Variants in MPRIP observed in about 807,000 individuals in gnomAD.
MPRIP encodes myosin phosphatase Rho-interacting protein.
A neutral mutation model predicts 234.9 loss-of-function variants in MPRIP; 59 were observed. That is an observed-to-expected ratio of 0.25 (90% CI 0.20 to 0.31). The LOEUF (loss-of-function observed/expected upper bound fraction) is 0.31, where lower values mean the gene tolerates loss of function less well. MPRIP is among the 10% of genes least tolerant of loss of function. The probability of loss-of-function intolerance (pLI) is 1.00; values close to 1 mark genes in which losing one functional copy is unlikely to be tolerated. For synonymous variants in MPRIP, 1,144 were observed against 1,263.9 expected, an observed-to-expected ratio of 0.91 and a Z score of 2.01; for missense variants, 2,436 against 3,071.0, an observed-to-expected ratio of 0.79 and a Z score of 4.89.
At chr17:17,180,828 A>G (rs1001799602) in intron 23 of MPRIP, among the ~76,000 whole-genome samples, 9 of 152,220 alleles carry the variant, frequency 5.9e-5, no homozygotes, top group African/African-American at 2.2e-4. Context: ...TTGGCACTCT[A>G]ACCTCTTAAC....
chr17:17,066,624 C>G (rs773353039), intron 1 of MPRIP, among the ~76,000 whole-genome samples: 2 of 151,058 alleles, frequency 1.3e-5, no homozygotes, highest in Non-Finnish European at 2.9e-5. Flanking sequence ...CCTCAAACCA[C>G]GGATAGTACT....
At chr17:17,071,275 G>C (rs775415059) in intron 1 of MPRIP, among the ~76,000 whole-genome samples, 2 of 152,170 alleles carry the variant, frequency 1.3e-5, no homozygotes, top group Non-Finnish European at 2.9e-5. Flanking sequence ...TTGTTGGGCT[G>C]CTCCTTTCTG....
chr17:17,167,423 G>A lies in MPRIP; in HGVS notation c.5832G>A (p.Leu1944=). The change falls in exon 16 of 24, where the codon CTG becomes CTA. Residue 1944 remains leucine (L), a synonymous_variant. Transcript: ENST00000651222. This position sits in a 1 kb window ranked among gnomAD's most constrained non-coding sequence, Gnocchi z 5.9. ...ESKHSMSMFT[L]RGRYEEEIRC... is the part of the protein sequence containing the mutation. ...AGCACAGCATGAGCATGTTCACCCT[G>A]CGGGGCAGGTATGAGGAGGAGATTC... is the stretch of plus-strand genomic sequence containing the variant. The A allele has an allele frequency of 7.7e-7, 1 of 1,304,258 alleles. No individual in the cohort carries two copies. Among genetic ancestry groups the A allele is most frequent in the Non-Finnish European group, 1.0e-6 (1 of 988,964 alleles). The allele number at this position is 1,304,258 out of a possible 1,614,324, so 80.8% of individuals were successfully genotyped here.
chr17:17,062,483 G>C (rs865971338), intron 1 of MPRIP, among the ~76,000 whole-genome samples: 4 of 152,180 alleles, frequency 2.6e-5, no homozygotes, highest in African/African-American at 7.2e-5. Context: ...AACTGACCAC[G>C]AGCCCCTTGG....
chr17:17,108,082 A>T (rs1373189855), intron 3 of MPRIP, among the ~76,000 whole-genome samples: 1 of 152,226 alleles, frequency 6.6e-6, no homozygotes, highest in Non-Finnish European at 1.5e-5. Flanking sequence ...CTGCTGGAGA[A>T]GGATGGCCCT....
intron 3 of MPRIP, among the ~76,000 whole-genome samples, chr17:17,121,242 A>AG (rs1425832041): frequency 6.6e-6 from 1 of 152,236 alleles, no homozygotes; most frequent in African/African-American, 2.4e-5. Flanking sequence ...TTGCACACCT[A>AG]GGCTTTGTGG....
At chr17:17,084,430 CT>C (rs1420817489) in intron 3 of MPRIP, among the ~76,000 whole-genome samples, 1 of 152,224 alleles carries the variant, frequency 6.6e-6, no homozygotes, top group Non-Finnish European at 1.5e-5. Context: ...CTTGCTGGCA[CT>C]TTCTGCCCAT....
chr17:17,063,610 G>A (rs978616238), intron 1 of MPRIP, among the ~76,000 whole-genome samples: 17 of 152,140 alleles, frequency 1.1e-4, no homozygotes, highest in Non-Finnish European at 2.1e-4. Flanking sequence ...CTTTGGTGCC[G>A]GATTGCGCAA....
intron 11 of MPRIP, among the ~76,000 whole-genome samples, chr17:17,149,492 CAA>C (rs1168858732): frequency 1.7e-5 from 2 of 118,790 alleles, no homozygotes. Flanking sequence ...GACCCCATCT[CAA>C]AAAAAAAAAA....
Position 17,158,542 on chromosome 17 carries a change from G to A in MPRIP, c.1940G>A (p.Ser647Asn), listed in dbSNP as rs1334110683. The change falls in exon 14 of 24, where the codon AGC becomes AAC. Residue 647 changes from serine to asparagine, a missense_variant. By Grantham distance (46) the Ser-to-Asn change is conservative. This residue lies in a region of MPRIP where 1,998 missense variants were observed against 2,520.3 expected (regional missense o/e 0.79). Transcript: ENST00000651222. ...LGEPDPEQKR[S>N]RARERRREGR... ...GAGCCGGACCCTGAGCAGAAGAGGAGCCGCGCACGGGAGCGGAGGCGAGAG... is the reference window on the plus strand; with the variant it reads ...GAGCCGGACCCTGAGCAGAAGAGGAACCGCGCACGGGAGCGGAGGCGAGAG... 6.2e-7 allele frequency: 1 copy of A among 1,611,900 alleles called. No individual in the cohort carries two copies.
intron 1 of MPRIP, among the ~76,000 whole-genome samples, chr17:17,073,971 T>C (rs1252155141): frequency 6.6e-6 from 1 of 152,156 alleles, no homozygotes; most frequent in Non-Finnish European, 1.5e-5. Context: ...GCACCATTCA[T>C]GGGGAAAGCC....
intron 1 of MPRIP, among the ~76,000 whole-genome samples, chr17:17,060,730 G>A (rs572104821): frequency 9.2e-5 from 14 of 152,306 alleles, no homozygotes; most frequent in African/African-American, 4.8e-5. Context: ...GCTTCCTCCC[G>A]GGACAGGGCT....
intron 5 of MPRIP, among the ~76,000 whole-genome samples, chr17:17,134,729 A>G (rs1171903435): frequency 6.6e-6 from 1 of 152,218 alleles, no homozygotes; most frequent in Non-Finnish European, 1.5e-5. Flanking sequence ...CACGTGGTGG[A>G]AACACTCAGA....
intron 5 of MPRIP, among the ~76,000 whole-genome samples, chr17:17,134,292 A>C (rs1339019371): frequency 1.3e-5 from 2 of 152,014 alleles, no homozygotes; most frequent in Non-Finnish European, 2.9e-5. Context: ...TGCTTTGGGG[A>C]AGCGCTGCTG....
intron 3 of MPRIP, among the ~76,000 whole-genome samples, chr17:17,119,334 C>T (rs116733253): frequency 0.023 from 3,455 of 152,320 alleles, 103 homozygotes; most frequent in Middle Eastern, 0.085. Context: ...AGGCAGGGGC[C>T]GTGCTGGGCA....
At chr17:17,162,004 A>G (rs1199121779) in intron 15 of MPRIP, among the ~76,000 whole-genome samples, 2 of 152,250 alleles carry the variant, frequency 1.3e-5, no homozygotes, top group Non-Finnish European at 2.9e-5. Flanking sequence ...GCAGCGTGCC[A>G]GGCCTTGTGC....
intron 4 of MPRIP, among the ~76,000 whole-genome samples, chr17:17,129,653 T>G (rs775627888): frequency 8.2e-4 from 124 of 152,096 alleles, no homozygotes; most frequent in Non-Finnish European, 1.6e-3. Flanking sequence ...CTCCACGTAG[T>G]CAGCAGAGCA....
At chr17:17,059,364 ACTCAGGGACCCCAAAAAGGGC>A (rs1164583935) in intron 1 of MPRIP, among the ~76,000 whole-genome samples, 2 of 152,104 alleles carry the variant, frequency 1.3e-5, no homozygotes, top group African/African-American at 4.8e-5. Flanking sequence ...AATGGTTTTG[ACTCAGGGACCCCAAAAAGGGC>A]CTCAGGGACT....
intron 3 of MPRIP, among the ~76,000 whole-genome samples, chr17:17,108,216 C>G (rs1312673299): frequency 6.6e-6 from 1 of 152,146 alleles, no homozygotes; most frequent in Non-Finnish European, 1.5e-5. Context: ...GTCCATTCAC[C>G]CCCACTGCCA....
Sources: allele counts gnomAD v4.1 joint callset (sites outside exome capture counted in the v4.1 genomes callset), GRCh38; gene constraint gnomAD v4.1.1; regional missense constraint gnomAD v4.1.1; non-coding constraint Gnocchi (gnomAD v3.1); transcripts MANE v1.5; gene names NCBI Gene and HGNC (gene_info 2026-07-23, HGNC 2026-07-21).